Variants in MCC observed in about 807,000 individuals in gnomAD.
MCC encodes the protein MCC regulator of Wnt signaling pathway.
In MCC, 90 loss-of-function variants were observed where a neutral mutation model predicts 116.2. That is an observed-to-expected ratio of 0.77 (90% CI 0.65 to 0.92). The LOEUF (loss-of-function observed/expected upper bound fraction) is 0.92. Ranked by LOEUF, MCC falls within the 40% of genes least tolerant of loss-of-function variation. MCC has a pLI of 0.00. For synonymous variants in MCC, 578 were observed against 510.5 expected (o/e 1.13, Z -1.78); for missense variants, 1,516 against 1,312.2 (o/e 1.16, Z -2.40).
intron 3 of MCC, among the ~76,000 whole-genome samples, chr5:113,184,081 T>C (rs1305721035): frequency 9.9e-5 from 15 of 152,216 alleles, no homozygotes; most frequent in Admixed American, 8.5e-4. Flanking sequence ...CATTTAATTT[T>C]TAAAGTGATC....
intron 3 of MCC, among the ~76,000 whole-genome samples, chr5:113,238,398 C>T (rs1034320863): frequency 1.3e-5 from 2 of 152,058 alleles, no homozygotes; most frequent in East Asian, 1.9e-4. Context: ...GTCTTTTCTC[C>T]TATTTCCTAT....
intron 4 of MCC, among the ~76,000 whole-genome samples, chr5:113,146,410 T>C (rs1759524714): frequency 1.9e-5 from 1 of 52,592 alleles, no homozygotes; most frequent in Admixed American, 2.1e-4. Context: ...GTTTATATCC[T>C]CTTCACCATT....
intron 3 of MCC, among the ~76,000 whole-genome samples, chr5:113,201,847 T>C (rs918040754): frequency 5.3e-5 from 8 of 152,158 alleles, no homozygotes; most frequent in Non-Finnish European, 1.0e-4. Context: ...CTTAAGCTAA[T>C]TGAGACCAGG....
intron 2 of MCC, among the ~76,000 whole-genome samples, chr5:113,368,691 G>A (rs1768763490): frequency 1.3e-5 from 2 of 151,982 alleles, no homozygotes; most frequent in South Asian, 4.2e-4. Context: ...AAATATGTGG[G>A]GATGTTTCCC....
intron 1 of MCC, among the ~76,000 whole-genome samples, chr5:113,389,828 C>T (rs939693400): frequency 1.3e-5 from 2 of 151,970 alleles, no homozygotes; most frequent in African/African-American, 4.8e-5. Flanking sequence ...AAAGAGGGTC[C>T]CCACTTTGGA....
rs145193921 is a variant in MCC, at chr5:113,128,957, G to C, written c.885-6131C>G. On this transcript the variant is annotated intron_variant, in intron 5 of 18. Coordinates refer to ENST00000408903, the MANE Select transcript of MCC (RefSeq NM_001085377.2). ...TGATACCAACAACACACAGGTAACT[G>C]TGTGCCCAAAGATCAGGAGAAACAT... 4.9e-4 allele frequency among the ~76,000 whole-genome samples: 74 copies of C among 152,318 alleles called. No homozygotes were observed. The East Asian group carries it at 0.01, about 21-fold the overall frequency.
chr5:113,435,852 T>A (rs1181935575), intron 1 of MCC: 1 of 152,952 alleles, frequency 6.5e-6, no homozygotes, highest in Admixed American at 6.5e-5. Context: ...AGGTGGGGCC[T>A]GGATGCCACC....
chr5:113,067,782 G>T (rs1291286969), intron 13 of MCC, among the ~76,000 whole-genome samples: 3 of 152,268 alleles, frequency 2.0e-5, no homozygotes, highest in African/African-American at 7.2e-5. Context: ...AGAAACGCTG[G>T]CCCCTTTCAT....
In MCC at chr5:113,222,532, C is replaced by A. The variant is rs116310862; in HGVS notation, c.628-71110G>T. ...ATGAATTCACCAGTGAATCTAGGTC[C>A]TATCTTTAGTAATATCCAAAGTCAC... On this transcript the variant is annotated intron_variant, in intron 3 of 18. Coordinates refer to ENST00000408903, the MANE Select transcript of MCC (RefSeq NM_001085377.2). Among the ~76,000 whole-genome samples the A allele has an allele frequency of 6.2e-3, 948 of 152,232 alleles. 8 individuals are homozygous for A. Among genetic ancestry groups the A allele is most frequent in the Non-Finnish European group, 8.3e-3 (564 of 68,030 alleles).
intron 3 of MCC, among the ~76,000 whole-genome samples, chr5:113,291,429 C>T (rs12523284): frequency 0.13 from 19,541 of 152,170 alleles, 2,036 homozygotes; most frequent in Admixed American, 0.26. Context: ...ACATTACTGT[C>T]AAAGAGTCAA....
chr5:113,243,157 T>C (rs1381814023), intron 3 of MCC, among the ~76,000 whole-genome samples: 3 of 147,264 alleles, frequency 2.0e-5, no homozygotes, highest in Middle Eastern at 3.2e-3. Flanking sequence ...TTACCAAGCA[T>C]GTGTTTTTGT....
intron 4 of MCC, among the ~76,000 whole-genome samples, chr5:113,146,151 T>C (rs1315161767): frequency 1.3e-5 from 2 of 152,202 alleles, no homozygotes; most frequent in Admixed American, 6.5e-5. Flanking sequence ...AGTACTATAA[T>C]GTAATACTTC....
At chr5:113,276,966 C>T (rs1765854222) in intron 3 of MCC, among the ~76,000 whole-genome samples, 1 of 151,630 alleles carries the variant, frequency 6.6e-6, no homozygotes, top group Admixed American at 6.6e-5. Flanking sequence ...TAAAAAGAAG[C>T]TATATCAAGG....
At chr5:113,279,964 G>C (rs1765976290) in intron 3 of MCC, among the ~76,000 whole-genome samples, 1 of 152,168 alleles carries the variant, frequency 6.6e-6, no homozygotes, top group South Asian at 2.1e-4. Flanking sequence ...AAATAATATG[G>C]TATTGCCATT....
rs773484226 is a variant in MCC at position 113,488,370 on chromosome 5, GCTGCTGGAGCTCC to G, written c.32_44del (p.Gly11AlafsTer47). ...TGCCGCTGCCGCCGCCGCCGCCGCCGCTGCTGGAGCTCCCCGCAGCCGCTGCCGCCGCGGCCGC... is the reference window on the plus strand; with the variant it reads ...TGCCGCTGCCGCCGCCGCCGCCGCCGCCGCAGCCGCTGCCGCCGCGGCCGC... On this transcript the variant is annotated frameshift_variant, in exon 1 of 19. Coordinates refer to ENST00000408903, the MANE Select transcript of MCC (RefSeq NM_001085377.2). LOFTEE classifies it high-confidence loss of function. The G allele has an allele frequency of 2.0e-6, 3 of 1,508,352 alleles. No individual in the cohort carries two copies. Among genetic ancestry groups the G allele is most frequent in the South Asian group, 2.5e-5 (2 of 78,652 alleles). The allele number at this position is 1,508,352 out of a possible 1,614,324, so 93.4% of individuals were successfully genotyped here.
At chr5:113,321,545 GTTAAAAC>G (rs1767422767) in intron 3 of MCC, among the ~76,000 whole-genome samples, 1 of 152,230 alleles carries the variant, frequency 6.6e-6, no homozygotes, top group South Asian at 2.1e-4. Flanking sequence ...ATGTTCTGTA[GTTAAAAC>G]TTAAAGTCTT....
chr5:113,383,275 A>C (rs1302347066), intron 2 of MCC, among the ~76,000 whole-genome samples: 1 of 152,214 alleles, frequency 6.6e-6, no homozygotes, highest in African/African-American at 2.4e-5. Context: ...ATGTGTGTAC[A>C]CTTATGTGTT....
chr5:113,436,324 T>C (rs1770864696), intron 1 of MCC: 1 of 152,300 alleles, frequency 6.6e-6, no homozygotes, highest in Non-Finnish European at 1.5e-5. Context: ...AAACCAAAAA[T>C]AAAATTCTAA....
chr5:113,132,427 C>CATATATATATATAT (rs1162820789), intron 5 of MCC, among the ~76,000 whole-genome samples: 15 of 107,252 alleles, frequency 1.4e-4, no homozygotes, highest in South Asian at 3.0e-4. Context: ...TACACACATA[C>CATATATATATATAT]ATATATATAT....
Sources: allele counts gnomAD v4.1 joint callset (sites outside exome capture counted in the v4.1 genomes callset), GRCh38; gene constraint gnomAD v4.1.1; transcripts MANE v1.5; gene names NCBI Gene and HGNC (gene_info 2026-07-23, HGNC 2026-07-21).